TAFA2: variants seen among roughly 807,000 people sequenced by gnomAD.
TAFA2 encodes the protein TAFA chemokine like family member 2.
Under a neutral mutation model 18.8 loss-of-function variants are expected in TAFA2, and 7 were observed. The observed-to-expected ratio is 0.37, with a 90% CI of 0.21 to 0.70. The LOEUF (loss-of-function observed/expected upper bound fraction) is 0.70. Among genes scored for constraint, TAFA2 ranks in the 30% least tolerant of loss-of-function variants. The probability of loss-of-function intolerance (pLI) is 0.53; values close to 1 mark genes in which losing one functional copy is unlikely to be tolerated. For synonymous variants in TAFA2, 60 were observed against 54.2 expected (o/e 1.11, Z -0.47); for missense variants, 122 against 158.1 (o/e 0.77, Z 1.23).
intron 1 of TAFA2, among the ~76,000 whole-genome samples, chr12:61,974,424 G>C (rs1003195812): frequency 6.6e-6 from 1 of 151,690 alleles, no homozygotes; most frequent in Non-Finnish European, 1.5e-5. Context: ...TGAATAAAAT[G>C]TATATTATGT....
chr12:62,243,299 T>C (rs1027215765), intron 1 of TAFA2, among the ~76,000 whole-genome samples: 1 of 152,208 alleles, frequency 6.6e-6, no homozygotes, highest in African/African-American at 2.4e-5. Context: ...CTTATGATGC[T>C]GAACCTGCAA....
chr12:61,982,462 T>C (rs932735394), intron 1 of TAFA2, among the ~76,000 whole-genome samples: 1 of 151,946 alleles, frequency 6.6e-6, no homozygotes, highest in Admixed American at 6.6e-5. Context: ...AGAAAAGAAA[T>C]GTATCCCTGG....
intron 1 of TAFA2, among the ~76,000 whole-genome samples, chr12:61,984,349 A>C (rs772111317): frequency 6.6e-6 from 1 of 152,212 alleles, no homozygotes; most frequent in African/African-American, 2.4e-5. Context: ...TAAGCTGTAG[A>C]ATGTGCAGGA....
intron 2 of TAFA2, among the ~76,000 whole-genome samples, chr12:61,808,927 C>T (rs1871744011): frequency 6.6e-6 from 1 of 151,584 alleles, no homozygotes; most frequent in African/African-American, 2.4e-5. Flanking sequence ...TCTATTACAT[C>T]TATTACATAA....
intron 4 of TAFA2, among the ~76,000 whole-genome samples, chr12:61,747,533 C>T (rs1419377154): frequency 6.7e-6 from 1 of 149,140 alleles, no homozygotes; most frequent in Non-Finnish European, 1.5e-5. Context: ...TACTATGCAG[C>T]CATAAAAAAT....
At chr12:61,782,140 C>A (rs889794198) in intron 2 of TAFA2, among the ~76,000 whole-genome samples, 8 of 151,588 alleles carry the variant, frequency 5.3e-5, no homozygotes, top group Admixed American at 3.3e-4. Flanking sequence ...GTCCCTCAAC[C>A]ATCTAAATGG....
At chr12:61,931,833 T>C (rs1372646663) in intron 1 of TAFA2, among the ~76,000 whole-genome samples, 2 of 152,204 alleles carry the variant, frequency 1.3e-5, no homozygotes, top group African/African-American at 2.4e-5. Flanking sequence ...AGCAGACCAA[T>C]TTTTGTATCA....
At chr12:61,920,420 T>G (rs930835323) in intron 1 of TAFA2, among the ~76,000 whole-genome samples, 6 of 152,190 alleles carry the variant, frequency 3.9e-5, no homozygotes, top group African/African-American at 1.4e-4. Flanking sequence ...AGATGGAAAG[T>G]TGGCACCAAA....
intron 1 of TAFA2, among the ~76,000 whole-genome samples, chr12:62,013,013 T>C (rs933180388): frequency 6.6e-6 from 1 of 152,188 alleles, no homozygotes; most frequent in African/African-American, 2.4e-5. Context: ...GAGGAATTCA[T>C]AGTCCCATGT....
At position 62,043,519 on chromosome 12, in the gene TAFA2, C is replaced by T. The variant is rs554356224; in HGVS notation, c.-2+147740G>A. Among the ~76,000 whole-genome samples the T allele has an allele frequency of 3.2e-4, 48 of 151,994 alleles. No homozygotes were observed. The East Asian group carries it at 8.5e-3, about 27-fold the overall frequency. On this transcript the variant is annotated intron_variant, in intron 1 of 4. Coordinates refer to ENST00000416284, the MANE Select transcript of TAFA2 (RefSeq NM_178539.5). ...AGGAGATACACCTAATGTTAAATGG[C>T]GAGTTAATGGGTGCAGCACACCAAC... is the stretch of plus-strand genomic sequence containing the variant.
At chr12:61,915,147 C>G (rs1354431014) in intron 1 of TAFA2, among the ~76,000 whole-genome samples, 1 of 151,950 alleles carries the variant, frequency 6.6e-6, no homozygotes, top group African/African-American at 2.4e-5. Flanking sequence ...GGCAACAGAG[C>G]GAGACTCCAT....
intron 2 of TAFA2, among the ~76,000 whole-genome samples, chr12:61,861,302 C>T (rs939469754): frequency 2.0e-5 from 3 of 147,610 alleles, no homozygotes; most frequent in African/African-American, 7.6e-5. Flanking sequence ...GGCTCTGTCA[C>T]TCAGGCTGGA....
At chr12:61,878,488 C>A (rs1443730054) in intron 1 of TAFA2, among the ~76,000 whole-genome samples, 1 of 152,184 alleles carries the variant, frequency 6.6e-6, no homozygotes, top group Non-Finnish European at 1.5e-5. Flanking sequence ...CTCTCTTCCC[C>A]TACTAGAATA....
intron 1 of TAFA2, among the ~76,000 whole-genome samples, chr12:61,971,339 A>C (rs181841685): frequency 1.6e-3 from 242 of 151,828 alleles, no homozygotes; most frequent in African/African-American, 5.4e-3. Flanking sequence ...GAGAAACAGA[A>C]GTTATATTTA....
chr12:62,185,965 T>A lies in TAFA2; in HGVS notation c.-2+5294A>T, dbSNP rs1248989798. On this transcript the variant is annotated intron_variant, in intron 1 of 4. Coordinates refer to ENST00000416284, the MANE Select transcript of TAFA2 (RefSeq NM_178539.5). Reference sequence around the variant, plus strand: ...AGATATAGACAATAATTTTGAATGATCAGTTTTTTGTACCAGAAGGAATCT... The same window carrying A: ...AGATATAGACAATAATTTTGAATGAACAGTTTTTTGTACCAGAAGGAATCT... Among the ~76,000 whole-genome samples, 3 of 152,320 alleles carry A rather than the reference T, an allele frequency of 2.0e-5. No individual in the cohort carries two copies. The East Asian group carries it at 5.8e-4, about 29-fold the overall frequency.
At chr12:62,074,453 T>C (rs556120214) in intron 1 of TAFA2, among the ~76,000 whole-genome samples, 2 of 152,340 alleles carry the variant, frequency 1.3e-5, no homozygotes, top group Non-Finnish European at 2.9e-5. Flanking sequence ...TAATTAATAA[T>C]TTATTAAAAT....
chr12:61,941,398 A>C (rs985645644), intron 1 of TAFA2, among the ~76,000 whole-genome samples: 30 of 152,358 alleles, frequency 2.0e-4, no homozygotes, highest in African/African-American at 7.2e-4. Context: ...GTGAATTAAT[A>C]GGGTAGGCAA....
chr12:62,178,162 T>C (rs943273861), intron 1 of TAFA2, among the ~76,000 whole-genome samples: 3 of 152,016 alleles, frequency 2.0e-5, no homozygotes, highest in African/African-American at 7.3e-5. Context: ...TAGCCAGGCA[T>C]GGTGGTGCAA....
chr12:62,205,816 T>G (rs1336278515), intron 1 of TAFA2, among the ~76,000 whole-genome samples: 1 of 151,954 alleles, frequency 6.6e-6, no homozygotes, highest in Admixed American at 6.5e-5. Flanking sequence ...CCACCAAGAA[T>G]GTACACAGTT....
Sources: allele counts gnomAD v4.1 joint callset (sites outside exome capture counted in the v4.1 genomes callset), GRCh38; gene constraint gnomAD v4.1.1; transcripts MANE v1.5; gene names NCBI Gene and HGNC (gene_info 2026-07-23, HGNC 2026-07-21).